Variants in SLMAP observed in about 807,000 individuals in gnomAD.
SLMAP encodes sarcolemma associated protein, also known as sarcolemmal membrane-associated protein.
In SLMAP, 44 loss-of-function variants were observed where a neutral mutation model predicts 128.8. The observed-to-expected ratio is 0.34, with a 90% CI of 0.27 to 0.44. The LOEUF (loss-of-function observed/expected upper bound fraction) is 0.44. Ranked by LOEUF, SLMAP falls within the 20% of genes least tolerant of loss-of-function variation. The pLI is 1.00. For missense variants in SLMAP, 787 were observed against 985.3 expected, an observed-to-expected ratio of 0.80 and a Z score of 2.69; for synonymous variants, 327 against 348.8, an observed-to-expected ratio of 0.94 and a Z score of 0.70.
intron 16 of SLMAP, 55 bp from the exon 17 acceptor site, chr3:57,896,818 C>A: frequency 6.6e-7 from 1 of 1,522,156 alleles, no homozygotes; most frequent in Non-Finnish European, 8.8e-7. Context: ...CAATAGCTTG[C>A]TGATAGATCT....
intron 2 of SLMAP, among the ~76,000 whole-genome samples, chr3:57,785,752 T>C (rs1263853562): frequency 6.6e-6 from 1 of 152,208 alleles, no homozygotes; most frequent in Non-Finnish European, 1.5e-5. Context: ...CTTTGGTAAA[T>C]ATATTCCTGA....
intron 2 of SLMAP, among the ~76,000 whole-genome samples, chr3:57,765,097 A>G (rs1488271624): frequency 6.6e-6 from 1 of 152,208 alleles, no homozygotes; most frequent in African/African-American, 2.4e-5. Flanking sequence ...AATGCCTGTA[A>G]TATCAGCTAC....
chr3:57,898,249 C>T (rs1435356945), intron 17 of SLMAP: 1 of 152,020 alleles, frequency 6.6e-6, no homozygotes, highest in Non-Finnish European at 1.5e-5. Flanking sequence ...TGGTATGATC[C>T]AGAACTCTCA....
chr3:57,786,638 C>T (rs769438236), intron 2 of SLMAP, among the ~76,000 whole-genome samples: 2 of 150,324 alleles, frequency 1.3e-5, no homozygotes, highest in African/African-American at 4.9e-5. Flanking sequence ...TTCACTACAA[C>T]CTCCGCCTCC....
At chr3:57,917,215 G>T in intron 22 of SLMAP, 138 bp downstream of exon 22, 1 of 1,524,098 alleles carries the variant, frequency 6.6e-7, no homozygotes, top group Non-Finnish European at 8.8e-7. Context: ...GAACATCTCT[G>T]CTTGGTGATT....
At chr3:57,791,301 A>C (rs916752989) in intron 2 of SLMAP, among the ~76,000 whole-genome samples, 12 of 152,216 alleles carry the variant, frequency 7.9e-5, no homozygotes, top group Non-Finnish European at 1.3e-4. Flanking sequence ...CAGAGGTTGC[A>C]GTGAGCCGAG....
At chr3:57,759,639 A>G (rs2078228269) in intron 2 of SLMAP, among the ~76,000 whole-genome samples, 1 of 152,186 alleles carries the variant, frequency 6.6e-6, no homozygotes, top group South Asian at 2.1e-4. Context: ...TTCAAACATC[A>G]GTTTACTACT....
intron 2 of SLMAP, among the ~76,000 whole-genome samples, chr3:57,809,971 A>C (rs976601686): frequency 3.9e-5 from 6 of 152,206 alleles, no homozygotes; most frequent in Non-Finnish European, 8.8e-5. Context: ...ACAGGGCTGA[A>C]ACATACCCCT....
chr3:57,811,978 C>T (rs531066704), intron 2 of SLMAP, among the ~76,000 whole-genome samples: 132 of 152,178 alleles, frequency 8.7e-4, no homozygotes, highest in African/African-American at 3.0e-3. Flanking sequence ...GATACCAATC[C>T]CTTATCAAAT....
chr3:57,793,831 G>T (rs6777053), intron 2 of SLMAP, among the ~76,000 whole-genome samples: 1,563 of 151,762 alleles, frequency 0.01, 29 homozygotes, highest in African/African-American at 0.035. Context: ...AGGTTGAGGT[G>T]GGAGGATCAC....
intron 2 of SLMAP, among the ~76,000 whole-genome samples, chr3:57,808,385 G>A (rs545095434): frequency 1.3e-4 from 20 of 152,238 alleles, no homozygotes; most frequent in African/African-American, 4.8e-4. Context: ...GCTTTCTGAT[G>A]TGGGCATTTA....
At chr3:57,888,084 A>G (rs1274342939) in intron 14 of SLMAP, among the ~76,000 whole-genome samples, 3 of 152,196 alleles carry the variant, frequency 2.0e-5, no homozygotes, top group Non-Finnish European at 4.4e-5. Flanking sequence ...TTATAAGAGG[A>G]TATGTTATAA....
intron 4 of SLMAP, 53 bp from the exon 5 acceptor site, chr3:57,847,144 T>G: frequency 1.7e-6 from 2 of 1,180,810 alleles, no homozygotes; most frequent in East Asian, 4.7e-5. Context: ...TCTCATACTC[T>G]GTTTCCTCTA....
intron 4 of SLMAP, among the ~76,000 whole-genome samples, chr3:57,844,935 A>G (rs565042632): frequency 1.3e-5 from 2 of 152,014 alleles, no homozygotes; most frequent in Non-Finnish European, 2.9e-5. Context: ...GCTGTTCCCA[A>G]ACTCCTAACC....
At chr3:57,925,796 G>A in intron 23 of SLMAP, 49 bp from the exon 24 acceptor site, 2 of 1,344,530 alleles carry the variant, frequency 1.5e-6, no homozygotes, top group Non-Finnish European at 2.1e-6. Context: ...CCTCTTATCT[G>A]ATTACTTTCA....
chr3:57,915,868 G>A (rs983482374), intron 21 of SLMAP, among the ~76,000 whole-genome samples: 1 of 152,084 alleles, frequency 6.6e-6, no homozygotes, highest in African/African-American at 2.4e-5. Context: ...AGTTATAAAA[G>A]TGATCATAGA....
chr3:57,808,581 T>A (rs1401330201), intron 2 of SLMAP, among the ~76,000 whole-genome samples: 1 of 152,202 alleles, frequency 6.6e-6, no homozygotes. Context: ...AGTTTCTTAA[T>A]CTTGAGTTCT....
At chr3:57,855,008 C>T (rs750279599) in intron 6 of SLMAP, among the ~76,000 whole-genome samples, 61 of 152,148 alleles carry the variant, frequency 4.0e-4, no homozygotes, top group Non-Finnish European at 7.2e-4. Context: ...TATTGTACTG[C>T]ATACTGAAGG....
At chr3:57,818,530 G>GA (rs1158319656) in intron 2 of SLMAP, among the ~76,000 whole-genome samples, 1 of 152,100 alleles carries the variant, frequency 6.6e-6, no homozygotes, top group Non-Finnish European at 1.5e-5. Flanking sequence ...TAGATTAAGT[G>GA]AAAAAATGCA....
Sources: allele counts gnomAD v4.1 joint callset (sites outside exome capture counted in the v4.1 genomes callset), GRCh38; gene constraint gnomAD v4.1.1; transcripts MANE v1.5; gene names NCBI Gene and HGNC (gene_info 2026-07-23, HGNC 2026-07-21).